Variants in KLHL13 observed in about 807,000 individuals in gnomAD.
KLHL13 encodes the protein kelch-like protein 13.
In KLHL13, 10 loss-of-function variants were observed where a neutral mutation model predicts 37.1. That is an observed-to-expected ratio of 0.27 (90% confidence interval 0.17 to 0.46). KLHL13 has a LOEUF of 0.46. Ranked by LOEUF, KLHL13 falls within the 20% of genes least tolerant of loss-of-function variation. The pLI, the probability that KLHL13 is intolerant of heterozygous loss-of-function variation, is 1.00. For synonymous variants in KLHL13, 163 were observed against 181.2 expected (o/e 0.90, Z 0.81); for missense variants, 360 against 509.3 (o/e 0.71, Z 2.82).
At chrX:118,028,796 T>C (rs2054302374) in intron 1 of KLHL13, among the ~76,000 whole-genome samples, 1 of 111,939 alleles carries the variant, frequency 8.9e-6, no homozygotes, top group South Asian at 3.7e-4. Flanking sequence ...GGAGTAGTCC[T>C]CCCTTATCCA....
chrX:118,096,399 T>A (rs1212785022), intron 1 of KLHL13, among the ~76,000 whole-genome samples: 1 of 111,822 alleles, frequency 8.9e-6, no homozygotes, highest in Non-Finnish European at 1.9e-5. Flanking sequence ...AATCTCTGAA[T>A]AGACCAATAA....
Position 118,083,182 on chromosome X carries a change from G to A in KLHL13, c.-56+33326C>T, listed in dbSNP as rs770771885. 8.1e-5 allele frequency among the ~76,000 whole-genome samples: 9 copies of A among 111,751 alleles called. No individual in the cohort carries two copies. The East Asian group carries it at 1.4e-3, about 17-fold the overall frequency. On this transcript the variant is annotated intron_variant, in intron 1 of 6. Transcript: ENST00000371882. ...CCTTGGGTAGCCAATATAGACAACTGTATGGAGGTTCCTCAAAAAACTAAA... is the reference window on the plus strand; with the variant it reads ...CCTTGGGTAGCCAATATAGACAACTATATGGAGGTTCCTCAAAAAACTAAA...
intron 1 of KLHL13, among the ~76,000 whole-genome samples, chrX:117,979,211 C>T (rs113259178): frequency 1.8e-5 from 2 of 112,023 alleles, no homozygotes; most frequent in African/African-American, 6.5e-5. Context: ...GGATTACAGG[C>T]GTGAGCCACT....
intron 1 of KLHL13, among the ~76,000 whole-genome samples, chrX:118,040,619 G>A (rs1273795599): frequency 1.8e-5 from 2 of 112,068 alleles, no homozygotes; most frequent in Non-Finnish European, 3.8e-5. Flanking sequence ...GTGGTAGATA[G>A]AGAAATGAGG....
chrX:118,099,119 A>AT (rs1002906378), intron 1 of KLHL13, among the ~76,000 whole-genome samples: 7 of 103,181 alleles, frequency 6.8e-5, no homozygotes, highest in African/African-American at 2.8e-4. Context: ...TAATAATAAA[A>AT]TTTAAAAAAA....
At chrX:118,021,690 C>T (rs1156448628) in intron 1 of KLHL13, among the ~76,000 whole-genome samples, 1 of 108,853 alleles carries the variant, frequency 9.2e-6, no homozygotes, top group Non-Finnish European at 1.9e-5. Context: ...AATAGTGTCG[C>T]AATAAACATA....
chrX:117,987,958 G>C (rs1214139447), intron 1 of KLHL13, among the ~76,000 whole-genome samples: 1 of 111,623 alleles, frequency 9.0e-6, no homozygotes, highest in Admixed American at 9.5e-5. Flanking sequence ...CAGTACTTGG[G>C]GGACATTAAA....
At chrX:118,036,718 G>T (rs2054447047) in intron 1 of KLHL13, among the ~76,000 whole-genome samples, 1 of 110,922 alleles carries the variant, frequency 9.0e-6, no homozygotes, top group Admixed American at 9.6e-5. Context: ...AAAAGCAATG[G>T]CAACAAAAGC....
intron 1 of KLHL13, among the ~76,000 whole-genome samples, chrX:117,965,880 A>C (rs1416822155): frequency 1.8e-5 from 2 of 111,720 alleles, no homozygotes; most frequent in Non-Finnish European, 3.8e-5. Flanking sequence ...ACTCTCAATA[A>C]ATTAGGTATT....
intron 1 of KLHL13, among the ~76,000 whole-genome samples, chrX:118,105,338 T>C (rs2055334794): frequency 8.9e-6 from 1 of 112,538 alleles, no homozygotes; most frequent in Non-Finnish European, 1.9e-5. Context: ...GTTAAAAGCA[T>C]AGACTCAAGA....
At chrX:118,084,004 C>G (rs1043728443) in intron 1 of KLHL13, among the ~76,000 whole-genome samples, 12 of 111,327 alleles carry the variant, frequency 1.1e-4, no homozygotes, top group African/African-American at 3.9e-4. Flanking sequence ...AAATAGAAAA[C>G]TAAAACAATA....
chrX:118,030,977 T>C (rs779298900), intron 1 of KLHL13, among the ~76,000 whole-genome samples: 2 of 112,026 alleles, frequency 1.8e-5, no homozygotes, highest in Non-Finnish European at 3.8e-5. Context: ...TTTCTGAGTC[T>C]GGGATATTCT....
At chrX:118,060,560 T>C (rs2054730403) in intron 1 of KLHL13, among the ~76,000 whole-genome samples, 1 of 111,014 alleles carries the variant, frequency 9.0e-6, no homozygotes. Context: ...TTAGTTACTT[T>C]ACCAAATCCT....
At chrX:117,919,961 TA>T (rs1216272647) in intron 3 of KLHL13, among the ~76,000 whole-genome samples, 15 of 100,884 alleles carry the variant, frequency 1.5e-4, no homozygotes, top group Middle Eastern at 4.4e-3. Context: ...TTTTTTGACA[TA>T]GAGTAGAGAT....
At chrX:117,904,258 C>T (rs747121421) in intron 5 of KLHL13, among the ~76,000 whole-genome samples, 2 of 111,324 alleles carry the variant, frequency 1.8e-5, no homozygotes, top group Admixed American at 1.9e-4. Context: ...TGCAGAGTTG[C>T]TATTGTTATC....
chrX:117,910,679 A>T (rs1457385689), intron 4 of KLHL13, among the ~76,000 whole-genome samples: 2 of 111,691 alleles, frequency 1.8e-5, no homozygotes, highest in Non-Finnish European at 1.9e-5. Context: ...AATTATCCCT[A>T]GGGCAAATTA....
At chrX:117,917,217 C>T (rs148190540) in intron 4 of KLHL13, among the ~76,000 whole-genome samples, 22 of 111,433 alleles carry the variant, frequency 2.0e-4, no homozygotes, top group African/African-American at 7.2e-4. Flanking sequence ...TAAAACCATA[C>T]AGACATATCC....
chrX:118,081,962 G>C (rs923120433), intron 1 of KLHL13, among the ~76,000 whole-genome samples: 2 of 108,871 alleles, frequency 1.8e-5, no homozygotes, highest in Non-Finnish European at 3.8e-5. Flanking sequence ...GTGTGTGTGT[G>C]TGTGTGTGTG....
At chrX:117,976,946 C>T (rs565662101), upstream of KLHL13, among the ~76,000 whole-genome samples, 7 of 111,717 alleles carry the variant, frequency 6.3e-5, no homozygotes, top group Non-Finnish European at 9.4e-5. Context: ...ATTGTATAAA[C>T]GAAAACACTG....
Sources: allele counts gnomAD v4.1 joint callset (sites outside exome capture counted in the v4.1 genomes callset), GRCh38; gene constraint gnomAD v4.1.1; transcripts MANE v1.5; gene names NCBI Gene and HGNC (gene_info 2026-07-23, HGNC 2026-07-21).